The following SERPINI2 variants were observed in gnomAD, a reference collection of about 807,000 sequenced individuals.
SERPINI2 encodes the protein serpin I2.
A neutral mutation model predicts 47.3 loss-of-function variants in SERPINI2; 48 were observed. The observed-to-expected ratio is 1.02, with a 90% confidence interval of 0.81 to 1.29. The LOEUF is 1.29. SERPINI2 is among the 50% of genes most tolerant of loss of function. The probability of loss-of-function intolerance (pLI) is 0.00; values close to 1 mark genes in which losing one functional copy is unlikely to be tolerated. For missense variants in SERPINI2, 448 were observed against 456.9 expected, an observed-to-expected ratio of 0.98 and a Z score of 0.18; for synonymous variants, 135 against 149.3, an observed-to-expected ratio of 0.90 and a Z score of 0.70.
rs1268329006 is a variant in SERPINI2 at position 167,465,414 on chromosome 3, T to G, written c.674-16A>C. The G allele has an allele frequency of 6.2e-7, 1 of 1,601,556 alleles. No individual in the cohort carries two copies. Among genetic ancestry groups the G allele is most frequent in the Non-Finnish European group, 8.5e-7 (1 of 1,176,816 alleles). ...GAAAAATAACCTGGAATAGACAAAA[T>G]AAAATATCAAATATACTTGGCAATT... On this transcript the variant is annotated splice_polypyrimidine_tract_variant and intron_variant, in intron 4 of 8. Transcript: ENST00000264677.
chr3:167,456,505 T>A (rs1290437421), intron 5 of SERPINI2, among the ~76,000 whole-genome samples: 2 of 152,194 alleles, frequency 1.3e-5, no homozygotes, highest in African/African-American at 2.4e-5. Context: ...CTGTGGTAAG[T>A]GTTACATCTT....
exon 8 of SERPINI2, chr3:167,446,430 T>G (rs1416012194): frequency 6.2e-7 from 1 of 1,610,612 alleles, no homozygotes; most frequent in Non-Finnish European, 8.5e-7. Flanking sequence ...AAATGGATGA[T>G]TTGCTATAAA....
chr3:167,471,872 A>G (rs927375818), intron 1 of SERPINI2, 28 bp from the exon 2 acceptor site: 1 of 1,548,546 alleles, frequency 6.5e-7, no homozygotes, highest in Non-Finnish European at 8.8e-7. Flanking sequence ...AAATATATTC[A>G]TTTTCAAAAT....
chr3:167,465,058 T>A (rs1427890361), intron 5 of SERPINI2, 148 bp downstream of exon 5: 12 of 691,300 alleles, frequency 1.7e-5, no homozygotes, highest in African/African-American at 3.7e-5. Flanking sequence ...TGCTTTAGTA[T>A]CCAAAAGTAG....
intron 8 of SERPINI2, among the ~76,000 whole-genome samples, chr3:167,444,298 G>A (rs1356370515): frequency 2.0e-5 from 3 of 152,114 alleles, no homozygotes; most frequent in Non-Finnish European, 2.9e-5. Flanking sequence ...ATTTAGCTTA[G>A]TAAGGGCTTT....
At chr3:167,473,140 T>TTAGAAAAACAGAATATAAAATTA (rs1750386838) in intron 1 of SERPINI2, among the ~76,000 whole-genome samples, 1 of 151,724 alleles carries the variant, frequency 6.6e-6, no homozygotes, top group Admixed American at 6.6e-5. Flanking sequence ...TATTTATCCT[T>TTAGAAAAACAGAATATAAAATTA]CAATGTATTT....
At chr3:167,465,546 A>C in exon 4 of SERPINI2, 3 of 1,613,842 alleles carry the variant, frequency 1.9e-6, no homozygotes, top group Non-Finnish European at 2.5e-6. Flanking sequence ...TCTTAGTAAA[A>C]TTTATCAGCT....
At chr3:167,456,192 A>G (rs1013200093) in intron 5 of SERPINI2, among the ~76,000 whole-genome samples, 2 of 106,840 alleles carry the variant, frequency 1.9e-5, no homozygotes, top group African/African-American at 6.6e-5. Context: ...GTGTGTGTAA[A>G]ATAATTAAAA....
At chr3:167,449,224 A>C (rs1440705209) in intron 7 of SERPINI2, 92 bp downstream of exon 7, 1 of 860,218 alleles carries the variant, frequency 1.2e-6, no homozygotes, top group African/African-American at 1.7e-5. Flanking sequence ...GAAGAGAAAA[A>C]GAAGAGTACA....
chr3:167,453,047 A>G lies in SERPINI2; in HGVS notation c.867-14T>C. The G allele has an allele frequency of 1.4e-6, 2 of 1,426,198 alleles. No homozygotes were observed. The highest frequency in any genetic ancestry group is 1.9e-6 in the Non-Finnish European group (2 of 1,041,208). The allele number at this position is 1,426,198 out of a possible 1,614,324, so 88.3% of individuals were successfully genotyped here. On this transcript the variant is annotated splice_polypyrimidine_tract_variant and intron_variant, in intron 5 of 8. Transcript: ENST00000264677. ...TCTACTTTAAATCTGTTATTAAAAA[A>G]AAAAGAAAAAGAAAAGTCTTGAAAC...
chr3:167,449,183 T>G, intron 7 of SERPINI2, 133 bp downstream of exon 7: 1 of 654,050 alleles, frequency 1.5e-6, no homozygotes, highest in South Asian at 1.8e-5. Flanking sequence ...AACCATTTCC[T>G]TTTTTTCCTC....
upstream of SERPINI2, among the ~76,000 whole-genome samples, chr3:167,475,013 T>TTAAC (rs1750447556): frequency 6.6e-6 from 1 of 151,774 alleles, no homozygotes; most frequent in South Asian, 2.1e-4. Context: ...GAGGACCCTG[T>TTAAC]TAACATCTTT....
chr3:167,460,226 C>T lies in SERPINI2; in HGVS notation c.866+4980G>A, dbSNP rs1357778734. On this transcript the variant is annotated intron_variant, in intron 5 of 8. Transcript: ENST00000264677. ...AAATACTTAGTTATCAGTTTGAAAACCATTTCACATTTATTCAGATGTAAA... is the reference window on the plus strand; with the variant it reads ...AAATACTTAGTTATCAGTTTGAAAATCATTTCACATTTATTCAGATGTAAA... Among the ~76,000 whole-genome samples the T allele has an allele frequency of 3.3e-5, 5 of 152,194 alleles. No homozygotes were observed. The East Asian group carries it at 9.6e-4, about 29-fold the overall frequency.
Position 167,465,691 on chromosome 3 carries a change from G to A in SERPINI2, c.479-18C>T. ...AATTTTTCCTAGGAAGTGGGTGGAG[G>A]AGGAGGTAAGAAGAAATGTGCAATA... On this transcript the variant is annotated intron_variant, in intron 3 of 8. Transcript: ENST00000264677. The A allele has an allele frequency of 1.3e-6, 2 of 1,591,544 alleles. No individual in the cohort carries two copies. Among genetic ancestry groups the A allele is most frequent in the African/African-American group, 1.4e-5 (1 of 73,706 alleles).
intron 5 of SERPINI2, among the ~76,000 whole-genome samples, chr3:167,461,347 G>A (rs1423418639): frequency 6.6e-6 from 1 of 152,186 alleles, no homozygotes; most frequent in African/African-American, 2.4e-5. Flanking sequence ...AAACTGCCAA[G>A]TTTTTAAATA....
chr3:167,453,037 T>C lies in SERPINI2; in HGVS notation c.867-4A>G, dbSNP rs1454320387. 1.3e-6 allele frequency: 2 copies of C among 1,500,932 alleles called. No homozygotes were observed. Among genetic ancestry groups the C allele is most frequent in the Non-Finnish European group, 1.8e-6 (2 of 1,106,018 alleles). 93.0% of individuals were successfully genotyped at this position (1,500,932 alleles called of 1,614,324 possible). ...TACTTTTTGTTCTACTTTAAATCTG[T>C]TATTAAAAAAAAAAGAAAAAGAAAA... On this transcript the variant is annotated splice_region_variant and splice_polypyrimidine_tract_variant and intron_variant, in intron 5 of 8. Transcript: ENST00000264677.
At chr3:167,465,652 G>A in exon 4 of SERPINI2, 13 of 1,609,012 alleles carry the variant, frequency 8.1e-6, no homozygotes, top group African/African-American at 1.3e-5. Flanking sequence ...TTCTTCCCCT[G>A]AAAACATGTC....
At chr3:167,456,510 C>CA (rs1560232698) in intron 5 of SERPINI2, among the ~76,000 whole-genome samples, 1 of 152,142 alleles carries the variant, frequency 6.6e-6, no homozygotes. Flanking sequence ...GTAAGTGTTA[C>CA]ATCTTTTGAA....
At chr3:167,465,630 C>G in exon 4 of SERPINI2, 3 of 1,611,798 alleles carry the variant, frequency 1.9e-6, no homozygotes, top group Non-Finnish European at 2.5e-6. Flanking sequence ...CAAGCCGAGT[C>G]AGAGGGCCAA....
Sources: allele counts gnomAD v4.1 joint callset (sites outside exome capture counted in the v4.1 genomes callset), GRCh38; gene constraint gnomAD v4.1.1; transcripts MANE v1.5; gene names NCBI Gene and HGNC (gene_info 2026-07-23, HGNC 2026-07-21).